FAM184A: variants seen among roughly 807,000 people sequenced by gnomAD.
The protein encoded by FAM184A is family with sequence similarity 184 member A.
A neutral mutation model predicts 143.8 loss-of-function variants in FAM184A; 99 were observed. The observed-to-expected ratio is 0.69, with a 90% CI of 0.58 to 0.81. The LOEUF (loss-of-function observed/expected upper bound fraction) is 0.81. Ranked by LOEUF, FAM184A falls within the 40% of genes least tolerant of loss-of-function variation. The pLI is 0.00. For missense variants in FAM184A, 1,217 were observed against 1,310.5 expected (o/e 0.93, Z 1.10); for synonymous variants, 427 against 446.4 (o/e 0.96, Z 0.55).
At chr6:119,127,557 C>CCTGCCA (rs1256537267) in intron 1 of FAM184A, among the ~76,000 whole-genome samples, 2 of 152,154 alleles carry the variant, frequency 1.3e-5, no homozygotes, top group African/African-American at 4.8e-5. Context: ...GAAACATGCC[C>CCTGCCA]CTGCCACTAT....
chr6:119,081,007 G>A (rs1788045858), upstream of FAM184A, among the ~76,000 whole-genome samples: 1 of 152,112 alleles, frequency 6.6e-6, no homozygotes, highest in Non-Finnish European at 1.5e-5. Flanking sequence ...AGCAGGAGGG[G>A]GAAAGAGAGC....
intron 1 of FAM184A, among the ~76,000 whole-genome samples, chr6:119,106,620 T>C (rs1437792607): frequency 6.6e-6 from 1 of 152,246 alleles, no homozygotes; most frequent in Non-Finnish European, 1.5e-5. Flanking sequence ...TCAGTATAAC[T>C]ACTTAATTGG....
chr6:118,965,196 T>C (rs1783461821), intron 15 of FAM184A, among the ~76,000 whole-genome samples: 1 of 93,376 alleles, frequency 1.1e-5, no homozygotes, highest in South Asian at 3.8e-4. Flanking sequence ...AGCTAAGTTT[T>C]TTTTGTTTGT....
chr6:118,989,024 C>G (rs1034258599), intron 9 of FAM184A, among the ~76,000 whole-genome samples: 1 of 145,264 alleles, frequency 6.9e-6, no homozygotes. Context: ...TGCAGTGGCA[C>G]GATCTCGGCT....
At chr6:119,109,957 C>T (rs1175066607) in intron 1 of FAM184A, among the ~76,000 whole-genome samples, 1 of 152,170 alleles carries the variant, frequency 6.6e-6, no homozygotes, top group Non-Finnish European at 1.5e-5. Flanking sequence ...TATTTATTGT[C>T]TTTATCTTTA....
chr6:118,987,073 G>A (rs921430488), intron 9 of FAM184A, among the ~76,000 whole-genome samples: 1 of 152,218 alleles, frequency 6.6e-6, no homozygotes, highest in South Asian at 2.1e-4. Flanking sequence ...TATGGGGTAT[G>A]AGGAAATAGT....
At chr6:119,042,466 G>C (rs1344094523) in intron 1 of FAM184A, among the ~76,000 whole-genome samples, 1 of 80,096 alleles carries the variant, frequency 1.2e-5, no homozygotes, top group East Asian at 4.5e-4. Flanking sequence ...ACTTGCCTGG[G>C]TCTCTTTTTT....
At chr6:119,141,104 C>T (rs953776058) in intron 1 of FAM184A, among the ~76,000 whole-genome samples, 5 of 152,208 alleles carry the variant, frequency 3.3e-5, no homozygotes, top group African/African-American at 1.2e-4. Flanking sequence ...AAGATTTGGT[C>T]ATATTAGAAA....
At chr6:119,127,830 G>GCATTCATTCATT (rs112401976) in intron 1 of FAM184A, among the ~76,000 whole-genome samples, 2 of 152,112 alleles carry the variant, frequency 1.3e-5, no homozygotes, top group African/African-American at 4.8e-5. Flanking sequence ...CATCATTCAT[G>GCATTCATTCATT]CATTCATTCA....
At chr6:119,099,662 G>C (rs1284914531) in intron 1 of FAM184A, among the ~76,000 whole-genome samples, 1 of 152,084 alleles carries the variant, frequency 6.6e-6, no homozygotes, top group East Asian at 1.9e-4. Context: ...TCTCACAGTT[G>C]CTAACATTCC....
At chr6:119,133,711 A>T (rs1485677281) in intron 1 of FAM184A, among the ~76,000 whole-genome samples, 1 of 151,956 alleles carries the variant, frequency 6.6e-6, no homozygotes, top group Non-Finnish European at 1.5e-5. Context: ...CTGCTGGGAG[A>T]ATTACTTCAC....
chr6:118,961,779 C>T lies in FAM184A; in HGVS notation c.3323G>A (p.Gly1108Glu). The T allele has an allele frequency of 1.9e-6, 3 of 1,613,470 alleles. No individual in the cohort carries two copies. The highest frequency in any genetic ancestry group is 2.5e-6 in the Non-Finnish European group (3 of 1,179,720). The change falls in exon 17 of 18, where the codon GGG (glycine) becomes GAG (glutamate). Residue 1108 changes from glycine (G) to glutamate (E), a missense_variant. Coordinates refer to ENST00000338891, the MANE Select transcript of FAM184A (RefSeq NM_024581.6). ...GTCTCACCTCAAAAATGTCTTGGGC[C>T]CTTTAGGTGGCACTGGCTGTGGAAG... Reference protein sequence around the residue: ...KPLPQPVPPKGPKTFLSPAQS... With the variant: ...KPLPQPVPPKEPKTFLSPAQS...
intron 9 of FAM184A, among the ~76,000 whole-genome samples, chr6:118,995,498 T>C (rs753863232): frequency 6.6e-6 from 1 of 152,178 alleles, no homozygotes; most frequent in Non-Finnish European, 1.5e-5. Flanking sequence ...GTAAACTCTT[T>C]TTCTAATGTT....
At chr6:118,966,625 AT>A (rs1338279072) in intron 15 of FAM184A, among the ~76,000 whole-genome samples, 6 of 152,216 alleles carry the variant, frequency 3.9e-5, no homozygotes, top group South Asian at 2.1e-4. Context: ...TTTAAAAAAA[AT>A]GAAAGACGTA....
intron 9 of FAM184A, among the ~76,000 whole-genome samples, chr6:118,997,010 CA>C (rs754031510): frequency 0.38 from 57,747 of 151,180 alleles, 11,526 homozygotes; most frequent in East Asian, 0.68. Context: ...AGGCGTGAGC[CA>C]CCAGACCCAA....
chr6:119,113,618 TGAGA>T (rs143508010), intron 1 of FAM184A, among the ~76,000 whole-genome samples: 1 of 150,428 alleles, frequency 6.6e-6, no homozygotes, highest in African/African-American at 2.4e-5. Flanking sequence ...AATAAGATAT[TGAGA>T]GAGAGAGAGA....
intron 1 of FAM184A, among the ~76,000 whole-genome samples, chr6:119,035,492 C>T (rs1264623819): frequency 6.6e-6 from 1 of 152,202 alleles, no homozygotes; most frequent in Non-Finnish European, 1.5e-5. Context: ...ATTTATTTGA[C>T]ATATTTTGAA....
At position 119,100,828 on chromosome 6, in the gene FAM184A, G is replaced by A. The variant is rs184196082; in HGVS notation, c.-202+48250C>T. Among the ~76,000 whole-genome samples, 778 of 151,778 alleles carry A rather than the reference G, an allele frequency of 5.1e-3. 5 individuals are homozygous for A. The highest frequency in any genetic ancestry group is 0.011 in the South Asian group (52 of 4,798). ...ACAAAAATTAGCCAGGTGTGGCAGC[G>A]GGCGCCTATAGTCCCAGCTACTTGG... On this transcript the variant is annotated intron_variant, in intron 1 of 16. Transcript: ENST00000352896.
At chr6:119,103,567 A>T (rs1474400829) in intron 1 of FAM184A, among the ~76,000 whole-genome samples, 1 of 152,184 alleles carries the variant, frequency 6.6e-6, no homozygotes, top group Non-Finnish European at 1.5e-5. Context: ...GTTGGAAAAA[A>T]TTCAGGGAAA....
Sources: gnomAD v4.1 joint callset for allele counts (sites outside exome capture counted in the v4.1 genomes callset) on GRCh38, gnomAD v4.1.1 for gene constraint, MANE v1.5 for transcripts, NCBI Gene and HGNC (gene_info 2026-07-23, HGNC 2026-07-21) for gene names.